Variants in TRIM67 observed in about 807,000 individuals in gnomAD.
The protein encoded by TRIM67 is tripartite motif-containing protein 67.
A neutral mutation model predicts 71.0 loss-of-function variants in TRIM67; 39 were observed. That is an observed-to-expected ratio of 0.55 (90% CI 0.43 to 0.72). TRIM67 has a LOEUF of 0.72. TRIM67 is among the 30% of genes least tolerant of loss of function. TRIM67 has a pLI of 0.00. For missense variants in TRIM67, 973 were observed against 1,079.2 expected (o/e 0.90, Z 1.38); for synonymous variants, 481 against 473.9 (o/e 1.01, Z -0.19).
intron 1 of TRIM67, among the ~76,000 whole-genome samples, chr1:231,164,497 A>C (rs1682397340): frequency 6.6e-6 from 1 of 152,218 alleles, no homozygotes; most frequent in East Asian, 1.9e-4. Context: ...TCAGACCCCA[A>C]GTCAAGACTA....
intron 5 of TRIM67, among the ~76,000 whole-genome samples, chr1:231,202,864 G>A (rs767737608): frequency 2.0e-5 from 3 of 152,148 alleles, no homozygotes; most frequent in Non-Finnish European, 2.9e-5. Flanking sequence ...GAAAGTGGGG[G>A]TGTGGAGGGA....
At chr1:231,165,987 G>A (rs1272265313) in intron 1 of TRIM67, among the ~76,000 whole-genome samples, 2 of 152,204 alleles carry the variant, frequency 1.3e-5, no homozygotes, top group Non-Finnish European at 2.9e-5. Context: ...AAGTGAGTTA[G>A]ATAATGAGCT....
In TRIM67 at chr1:231,201,415, G is replaced by C. The variant is rs751830264; in HGVS notation, c.1432G>C (p.Ala478Pro). ...QVSQEQWVKGALEPKVSAEFD... is the reference protein window; with the variant it reads ...QVSQEQWVKGPLEPKVSAEFD... Reference sequence around the variant, plus strand: ...GTCTCAGGAGCAGTGGGTCAAAGGCGCCCTGGAGCCGAAAGTGTCTGCGGA... The same window carrying C: ...GTCTCAGGAGCAGTGGGTCAAAGGCCCCCTGGAGCCGAAAGTGTCTGCGGA... The change falls in exon 5 of 10, where the codon GCC becomes CCC. Residue 478 changes from alanine to proline, a missense_variant. Physicochemically the swap from Ala to Pro is conservative, Grantham distance 27. Around this residue, in one of 2 missense-constraint regions of TRIM67, gnomAD observed 795 missense variants for 831.3 expected, o/e 0.96. Coordinates refer to ENST00000366653, the MANE Select transcript of TRIM67 (RefSeq NM_001004342.5). 6.2e-7 allele frequency: 1 copy of C among 1,613,484 alleles called. No homozygotes were observed. The highest frequency in any genetic ancestry group is 1.7e-5 in the Admixed American group (1 of 59,936).
chr1:231,163,727 C>A lies in TRIM67; in HGVS notation c.758C>A (p.Pro253Gln), dbSNP rs1214191924. 1 of 1,429,852 alleles carries A rather than the reference C, an allele frequency of 7.0e-7. No individual in the cohort carries two copies. Among genetic ancestry groups the A allele is most frequent in the Non-Finnish European group, 9.2e-7 (1 of 1,085,882 alleles). The allele number at this position is 1,429,852 out of a possible 1,614,324, so 88.6% of individuals were successfully genotyped here. ...TTCGCCAAGCATCGCCTGGTGCAGCCGCCGCCGCCGCCGCCGCCGCCCGCC... is the reference window on the plus strand; with the variant it reads ...TTCGCCAAGCATCGCCTGGTGCAGCAGCCGCCGCCGCCGCCGCCGCCCGCC... ...GPFAKHRLVQPPPPPPPPAEA... is the reference protein window; with the variant it reads ...GPFAKHRLVQQPPPPPPPAEA... Residue 253 changes from proline to glutamine, a missense_variant, in exon 1 of 10, where the codon CCG (proline) becomes CAG (glutamine). Pro to Gln is a moderately conservative substitution (Grantham distance 76, BLOSUM62 -1). Coordinates refer to ENST00000366653, the MANE Select transcript of TRIM67 (RefSeq NM_001004342.5).
intron 8 of TRIM67, among the ~76,000 whole-genome samples, chr1:231,210,026 C>T (rs112919365): frequency 3.2e-4 from 48 of 152,312 alleles, no homozygotes; most frequent in African/African-American, 1.1e-3. Flanking sequence ...CACCATAGCT[C>T]TGTACTCTTT....
intron 1 of TRIM67, among the ~76,000 whole-genome samples, chr1:231,180,891 C>T (rs1406973027): frequency 6.6e-6 from 1 of 152,164 alleles, no homozygotes; most frequent in Non-Finnish European, 1.5e-5. Context: ...AGGCTGGGCC[C>T]TCTAACTTGC....
chr1:231,182,859 T>TGG (rs1156349710), intron 1 of TRIM67, among the ~76,000 whole-genome samples: 1 of 152,224 alleles, frequency 6.6e-6, no homozygotes, highest in Non-Finnish European at 1.5e-5. Flanking sequence ...CCCGTGTGCC[T>TGG]GCGGATATAG....
intron 5 of TRIM67, among the ~76,000 whole-genome samples, chr1:231,202,239 G>T (rs939375489): frequency 1.3e-4 from 1 of 7,588 alleles, no homozygotes; most frequent in African/African-American, 4.4e-4. Context: ...AGGAGAGGAG[G>T]GGGGGTAGTG....
intron 6 of TRIM67, among the ~76,000 whole-genome samples, chr1:231,204,650 C>A (rs59067186): frequency 3.3e-5 from 5 of 152,118 alleles, no homozygotes; most frequent in Admixed American, 3.3e-4. Flanking sequence ...GACGTTCAGG[C>A]GGACATGAAT....
At chr1:231,185,959 A>T in intron 1 of TRIM67, 2 of 799,814 alleles carry the variant, frequency 2.5e-6, no homozygotes, top group Non-Finnish European at 4.0e-6. Context: ...GACAGCCGGG[A>T]CAAGGGCTCA....
intron 2 of TRIM67, 131 bp downstream of exon 2, chr1:231,197,597 G>T: frequency 2.8e-6 from 2 of 705,052 alleles, no homozygotes; most frequent in Non-Finnish European, 4.7e-6. Flanking sequence ...AGGCCGAGGC[G>T]GGCAGATCAC....
chr1:231,203,178 A>G (rs562791979), intron 5 of TRIM67, among the ~76,000 whole-genome samples: 5 of 152,216 alleles, frequency 3.3e-5, no homozygotes. Flanking sequence ...AGTGGACTCT[A>G]TCGATTTCTA....
In TRIM67 at chr1:231,199,178, C is replaced by T; in HGVS notation, c.1263+9C>T. 1.2e-6 allele frequency: 2 copies of T among 1,613,782 alleles called. No individual in the cohort carries two copies. Among genetic ancestry groups the T allele is most frequent in the Non-Finnish European group, 1.7e-6 (2 of 1,179,756 alleles). On this transcript the variant is annotated intron_variant, in intron 3 of 9. Transcript: ENST00000366653. ...GGGAACACAAGTTGAAGGTAGGTAC[C>T]TGGGGGACTGACACATTGAATCCCT... is the stretch of plus-strand genomic sequence containing the variant.
chr1:231,207,097 T>C (rs999756902), intron 7 of TRIM67, among the ~76,000 whole-genome samples: 2 of 152,194 alleles, frequency 1.3e-5, no homozygotes, highest in Admixed American at 1.3e-4. Flanking sequence ...CACCCTGCTC[T>C]GCACACACAG....
In TRIM67 at chr1:231,197,142, C is replaced by A. The variant is rs112060710; in HGVS notation, c.1045-229C>A. 1.7e-3 allele frequency among the ~76,000 whole-genome samples: 265 copies of A among 152,306 alleles called. 1 individual carries two copies. The highest frequency in any genetic ancestry group is 6.1e-3 in the African/African-American group (253 of 41,554). ...TTAGCTGAGTGCTCCTTACCTCTAT[C>A]CAGCTTTGGGGATGAGAAAGGAGAG... On this transcript the variant is annotated intron_variant, in intron 1 of 9. Coordinates refer to ENST00000366653, the MANE Select transcript of TRIM67 (RefSeq NM_001004342.5).
chr1:231,163,582 G>T lies in TRIM67; in HGVS notation c.613G>T (p.Val205Leu). The T allele has an allele frequency of 6.6e-7, 1 of 1,515,528 alleles. No individual in the cohort carries two copies. The highest frequency in any genetic ancestry group is 8.8e-7 in the Non-Finnish European group (1 of 1,137,020). 93.9% of individuals were successfully genotyped at this position (1,515,528 alleles called of 1,614,324 possible). A position where few individuals can be genotyped will look rare whatever the true frequency, so the allele number is the denominator to read the frequency against. ...GCCGGGGACGTCTGCAGCCGCGGCGGTGGCCATCTGCCAGCTGTGCGACCG... is the reference window on the plus strand; with the variant it reads ...GCCGGGGACGTCTGCAGCCGCGGCGTTGGCCATCTGCCAGCTGTGCGACCG... ...AVPGTSAAAA[V>L]AICQLCDRTP... Residue 205 changes from valine (V) to leucine (L), a missense_variant, in exon 1 of 10, where the codon GTG becomes TTG. Transcript: ENST00000366653.
intron 1 of TRIM67, among the ~76,000 whole-genome samples, chr1:231,182,987 C>T (rs1682948651): frequency 6.6e-6 from 1 of 152,174 alleles, no homozygotes; most frequent in Non-Finnish European, 1.5e-5. Context: ...ACATATCAAT[C>T]CTGGCAACTT....
At chr1:231,204,822 A>G (rs1040050834) in intron 6 of TRIM67, among the ~76,000 whole-genome samples, 2 of 152,246 alleles carry the variant, frequency 1.3e-5, no homozygotes, top group African/African-American at 4.8e-5. Context: ...GAAGGTCAAC[A>G]TTCCCTTAGT....
intron 1 of TRIM67, among the ~76,000 whole-genome samples, chr1:231,176,637 T>G (rs1415603572): frequency 6.6e-6 from 1 of 152,124 alleles, no homozygotes; most frequent in Non-Finnish European, 1.5e-5. Context: ...ATGAATATGA[T>G]GCCATGTCTA....
Sources: allele counts gnomAD v4.1 joint callset (sites outside exome capture counted in the v4.1 genomes callset), GRCh38; gene constraint gnomAD v4.1.1; regional missense constraint gnomAD v4.1.1; transcripts MANE v1.5; gene names NCBI Gene and HGNC (gene_info 2026-07-23, HGNC 2026-07-21).